SUCO: variants seen among roughly 807,000 people sequenced by gnomAD.
SUCO encodes the protein SUN domain containing ossification factor, also known as SUN domain-containing ossification factor.
In SUCO, 57 loss-of-function variants were observed where a neutral mutation model predicts 148.1. The observed-to-expected ratio is 0.38, with a 90% CI of 0.31 to 0.48. The LOEUF is 0.48. SUCO is among the 20% of genes least tolerant of loss of function. SUCO has a pLI of 0.96. For missense variants in SUCO, 1,331 were observed against 1,468.2 expected (o/e 0.91, Z 1.53); for synonymous variants, 470 against 502.7 (o/e 0.93, Z 0.87).
intron 3 of SUCO, 84 bp from the exon 4 acceptor site, chr1:172,555,785 A>G (rs991133455): frequency 9.2e-7 from 1 of 1,086,342 alleles, no homozygotes; most frequent in East Asian, 2.6e-5. Context: ...TTTTTCAGAA[A>G]TGCTTTCCAT....
At position 172,578,281 on chromosome 1, in the gene SUCO, G is replaced by A. The variant is rs774326662; in HGVS notation, c.1341-17G>A. ...GTGTTTTGTTTTGGAAGTCTTTAATGAAATTGTTGTTGATAGGGTATTTGG... is the reference window on the plus strand; with the variant it reads ...GTGTTTTGTTTTGGAAGTCTTTAATAAAATTGTTGTTGATAGGGTATTTGG... On this transcript the variant is annotated splice_polypyrimidine_tract_variant and intron_variant, in intron 13 of 23. Coordinates refer to ENST00000263688, the MANE Select transcript of SUCO (RefSeq NM_014283.5). The A allele has an allele frequency of 1.3e-6, 2 of 1,564,702 alleles. No homozygotes were observed. The highest frequency in any genetic ancestry group is 1.8e-6 in the Non-Finnish European group (2 of 1,136,084).
chr1:172,557,447 A>G (rs759503320), intron 5 of SUCO, 30 bp downstream of exon 5: 1 of 1,612,882 alleles, frequency 6.2e-7, no homozygotes, highest in African/African-American at 1.3e-5. Flanking sequence ...TGTCCTTCTT[A>G]TGATTCTGTA....
chr1:172,609,350 A>G, intron 23 of SUCO: 1 of 984,294 alleles, frequency 1.0e-6, no homozygotes, highest in Non-Finnish European at 1.2e-6. Flanking sequence ...TAGGTGAAAG[A>G]ACTTGGGCTT....
chr1:172,589,894 C>A lies in SUCO; in HGVS notation c.2793C>A (p.Leu931=). 2 of 1,537,346 alleles carry A rather than the reference C, an allele frequency of 1.3e-6. No homozygotes were observed. The highest frequency in any genetic ancestry group is 1.3e-5 in the South Asian group (1 of 79,266). ...RIKALEVNMS[L]SGRYLEELSQ... ...AAGCCTTAGAAGTTAACATGTCTCT[C>A]AGTGGTCGCTATCTGGAGGAGCTTA... is the stretch of plus-strand genomic sequence containing the variant. The change falls in exon 18 of 24, where the codon CTC becomes CTA. Residue 931 remains leucine (L), a synonymous_variant. Coordinates refer to ENST00000263688, the MANE Select transcript of SUCO (RefSeq NM_014283.5).
At chr1:172,556,136 GCAGA>G in intron 4 of SUCO, 113 bp downstream of exon 4, 1 of 735,158 alleles carries the variant, frequency 1.4e-6, no homozygotes, top group Non-Finnish European at 2.2e-6. Flanking sequence ...AGGCTATATA[GCAGA>G]CCTAAATTAC....
rs2149229583 is a variant in SUCO at position 172,553,456 on chromosome 1, T to G, written c.288+86T>G. 3 of 954,490 alleles carry G rather than the reference T, an allele frequency of 3.1e-6. No homozygotes were observed. In the South Asian group the frequency reaches 6.7e-5, roughly 21 times the overall value. 59.1% of individuals were successfully genotyped at this position (954,490 alleles called of 1,614,324 possible). A position where few individuals can be genotyped will look rare whatever the true frequency, so the allele number is the denominator to read the frequency against. On this transcript the variant is annotated intron_variant, in intron 3 of 23. Transcript: ENST00000263688. ...AAACCTTTGGTCACCATATTGTGTG[T>G]GTATTGTTAGTTTTTTCACTTTGAG...
chr1:172,567,678 C>T (rs949522625), intron 6 of SUCO, among the ~76,000 whole-genome samples: 3 of 152,196 alleles, frequency 2.0e-5, no homozygotes, highest in African/African-American at 7.2e-5. Context: ...CTCTAATGAA[C>T]ATTCTTATGC....
intron 16 of SUCO, 150 bp downstream of exon 16, chr1:172,585,236 A>C: frequency 1.3e-6 from 1 of 784,810 alleles, no homozygotes; most frequent in East Asian, 3.1e-5. Context: ...TTTATTATTC[A>C]TTGTTTATTT....
At chr1:172,569,288 C>A in intron 7 of SUCO, 146 bp downstream of exon 7, 1 of 1,027,690 alleles carries the variant, frequency 9.7e-7, no homozygotes, top group Non-Finnish European at 1.3e-6. Context: ...GCTGTTGATC[C>A]ATCCATCCAT....
intron 1 of SUCO, among the ~76,000 whole-genome samples, chr1:172,541,034 G>A: frequency 6.6e-6 from 1 of 151,726 alleles, no homozygotes; most frequent in African/African-American, 2.4e-5. Flanking sequence ...GACTTAGAGG[G>A]GTGAATACAA....
intron 22 of SUCO, among the ~76,000 whole-genome samples, chr1:172,603,943 T>C (rs1182342586): frequency 6.6e-6 from 1 of 152,000 alleles, no homozygotes; most frequent in Admixed American, 6.6e-5. Context: ...TACATACTTT[T>C]GGTAAACACC....
At chr1:172,592,893 T>C (rs1656776669) in intron 19 of SUCO, among the ~76,000 whole-genome samples, 1 of 152,240 alleles carries the variant, frequency 6.6e-6, no homozygotes, top group Admixed American at 6.5e-5. Context: ...ACGATATTGG[T>C]TCTTCCTACC....
At chr1:172,586,087 G>A in intron 17 of SUCO, 139 bp downstream of exon 17, 1 of 513,524 alleles carries the variant, frequency 1.9e-6, no homozygotes, top group Non-Finnish European at 3.3e-6. Context: ...ACATTCTGTG[G>A]CCACTTAGAA....
chr1:172,532,809 G>A, upstream of SUCO: 9 of 1,599,378 alleles, frequency 5.6e-6, no homozygotes, highest in East Asian at 2.2e-5. Context: ...GCGGTCCACT[G>A]TAAGGGGAAA....
At position 172,610,222 on chromosome 1, in the gene SUCO, G is replaced by A; in HGVS notation, c.3728G>A (p.Gly1243Glu). Residue 1243 changes from glycine to glutamate, a missense_variant, in exon 24 of 24, where the codon GGA becomes GAA. This residue lies in a region of SUCO where 334 missense variants were observed against 352.3 expected (regional missense o/e 0.95). Coordinates refer to ENST00000263688, the MANE Select transcript of SUCO (RefSeq NM_014283.5). ...AAAGGAAACAAAGAGATCACCGTGG[G>A]AACATTTGGTGTTACAGCAGTCTCG... Reference protein sequence around the residue: ...IIKGNKEITVGTFGVTAVSGH... With the variant: ...IIKGNKEITVETFGVTAVSGH... The A allele has an allele frequency of 1.2e-6, 2 of 1,607,700 alleles. No homozygotes were observed. Among genetic ancestry groups the A allele is most frequent in the East Asian group, 2.2e-5 (1 of 44,844 alleles).
intron 1 of SUCO, among the ~76,000 whole-genome samples, chr1:172,539,391 A>G (rs1202014759): frequency 1.3e-5 from 2 of 152,220 alleles, no homozygotes; most frequent in African/African-American, 4.8e-5. Context: ...GACTAATTTA[A>G]AAGTCAAATT....
At chr1:172,607,605 T>C (rs1297314146) in intron 22 of SUCO, among the ~76,000 whole-genome samples, 1 of 151,870 alleles carries the variant, frequency 6.6e-6, no homozygotes, top group Non-Finnish European at 1.5e-5. Context: ...GTTCCCACTT[T>C]TCTTTCAGTT....
At chr1:172,574,040 C>G (rs1027458464) in intron 10 of SUCO, 42 bp downstream of exon 10, 6 of 1,204,564 alleles carry the variant, frequency 5.0e-6, no homozygotes, top group Non-Finnish European at 7.1e-6. Flanking sequence ...TGTTGGATCT[C>G]TGAAAAAAAG....
chr1:172,574,537 T>C (rs936205568), intron 10 of SUCO, among the ~76,000 whole-genome samples: 1 of 152,002 alleles, frequency 6.6e-6, no homozygotes. Flanking sequence ...AGATAGCCCT[T>C]ATTAGCATTT....
Sources: allele counts gnomAD v4.1 joint callset (sites outside exome capture counted in the v4.1 genomes callset), GRCh38; gene constraint gnomAD v4.1.1; regional missense constraint gnomAD v4.1.1; transcripts MANE v1.5; gene names NCBI Gene and HGNC (gene_info 2026-07-23, HGNC 2026-07-21).